The following GNAQ variants were observed in gnomAD, a reference collection of about 807,000 sequenced individuals.
GNAQ encodes G protein subunit alpha q.
In GNAQ, 8 loss-of-function variants were observed where a neutral mutation model predicts 43.9. The observed-to-expected ratio is 0.18, with a 90% CI of 0.11 to 0.33. GNAQ has a LOEUF of 0.33. GNAQ is among the 10% of genes least tolerant of loss of function. The pLI is 1.00. For missense variants in GNAQ, 158 were observed against 450.8 expected (o/e 0.35, Z 5.88); for synonymous variants, 155 against 170.7 (o/e 0.91, Z 0.71).
intron 1 of GNAQ, among the ~76,000 whole-genome samples, chr9:77,954,970 T>C (rs1014309468): frequency 1.3e-5 from 2 of 152,180 alleles, no homozygotes; most frequent in Non-Finnish European, 2.9e-5. Flanking sequence ...CACCGCATGA[T>C]TTCTGTTAAA....
At chr9:77,837,602 T>C (rs1827411209) in intron 2 of GNAQ, among the ~76,000 whole-genome samples, 2 of 151,742 alleles carry the variant, frequency 1.3e-5, no homozygotes, top group African/African-American at 4.8e-5. Context: ...ATATGATTGA[T>C]TTTTTAAAAA....
rs139244699 is a variant in GNAQ at position 77,753,323 on chromosome 9, A to C, written c.736-24656T>G. Among the ~76,000 whole-genome samples the C allele has an allele frequency of 6.1e-3, 933 of 152,212 alleles. 9 individuals are homozygous for C. The highest frequency in any genetic ancestry group is 0.021 in the African/African-American group (856 of 41,532). ...CACACCCCCACCCACCCCCTGAAGA[A>C]AAAGGTTCAGGGTAAGATATGAAAT... is the stretch of plus-strand genomic sequence containing the variant. On this transcript the variant is annotated intron_variant, in intron 5 of 6. Coordinates refer to ENST00000286548, the MANE Select transcript of GNAQ (RefSeq NM_002072.5).
chr9:77,861,695 C>T (rs558323451), intron 2 of GNAQ, among the ~76,000 whole-genome samples: 21 of 152,198 alleles, frequency 1.4e-4, no homozygotes, highest in African/African-American at 2.2e-4. Flanking sequence ...TCTCACATCC[C>T]GGTCACACTG....
At chr9:77,800,683 C>T (rs1475397710) in intron 3 of GNAQ, among the ~76,000 whole-genome samples, 2 of 151,892 alleles carry the variant, frequency 1.3e-5, no homozygotes, top group Non-Finnish European at 2.9e-5. Flanking sequence ...GCACATTGTG[C>T]ACATGTACCC....
intron 2 of GNAQ, among the ~76,000 whole-genome samples, chr9:77,846,517 T>A (rs1251652366): frequency 1.3e-5 from 2 of 152,118 alleles, no homozygotes; most frequent in East Asian, 1.9e-4. Context: ...ACGTGGGCAA[T>A]CCTGGTAGGC....
chr9:77,874,104 CAA>C (rs71937328), intron 2 of GNAQ, among the ~76,000 whole-genome samples: 36 of 98,980 alleles, frequency 3.6e-4, no homozygotes, highest in African/African-American at 1.4e-3. Flanking sequence ...AACTCCATCT[CAA>C]AAAAAAAAAA....
chr9:77,914,342 A>G (rs1183207836), intron 2 of GNAQ, among the ~76,000 whole-genome samples: 1 of 152,174 alleles, frequency 6.6e-6, no homozygotes, highest in Non-Finnish European at 1.5e-5. Flanking sequence ...ATTGGCCATG[A>G]AAAGTCCATA....
intron 2 of GNAQ, among the ~76,000 whole-genome samples, chr9:77,908,722 A>C (rs1828752223): frequency 6.6e-6 from 1 of 152,174 alleles, no homozygotes; most frequent in South Asian, 2.1e-4. Context: ...CTTCTCTCCA[A>C]AAGGTAGCCT....
In GNAQ at chr9:77,805,126, C is replaced by G. The variant is rs941046658; in HGVS notation, c.477-7478G>C. ...AGTAACAGTTCTGCAAAACTGGTATCTTGAGGGGAGAGTCAAGGAGAGGTT... is the reference window on the plus strand; with the variant it reads ...AGTAACAGTTCTGCAAAACTGGTATGTTGAGGGGAGAGTCAAGGAGAGGTT... On this transcript the variant is annotated intron_variant, in intron 3 of 6. Coordinates refer to ENST00000286548, the MANE Select transcript of GNAQ (RefSeq NM_002072.5). 2.0e-5 allele frequency among the ~76,000 whole-genome samples: 3 copies of G among 152,166 alleles called. No homozygotes were observed. In the East Asian group the frequency reaches 5.8e-4, roughly 29 times the overall value.
At chr9:77,840,332 G>A (rs907447137) in intron 2 of GNAQ, among the ~76,000 whole-genome samples, 25 of 150,598 alleles carry the variant, frequency 1.7e-4, no homozygotes, top group Non-Finnish European at 3.1e-4. Flanking sequence ...TGGTGCAGAT[G>A]TGTGCATTTG....
intron 2 of GNAQ, among the ~76,000 whole-genome samples, chr9:77,842,257 A>T (rs1328388763): frequency 6.6e-6 from 1 of 152,194 alleles, no homozygotes; most frequent in Non-Finnish European, 1.5e-5. Flanking sequence ...ACTGGCATGG[A>T]AACTACCACT....
rs2118444217 is a variant in GNAQ at position 77,794,565 on chromosome 9, T to C, written c.633A>G (p.Ser211=). ...AGCAGTGTATCCATTTTCTTCTCTCTGACCTTTGGCCCCCTACATCGACCA... is the reference window on the plus strand; with the variant it reads ...AGCAGTGTATCCATTTTCTTCTCTCCGACCTTTGGCCCCCTACATCGACCA... ...FRMVDVGGQR[S]ERRKWIHCFE... The change falls in exon 5 of 7, where the codon TCA becomes TCG. Residue 211 remains serine (S), a synonymous_variant. Coordinates refer to ENST00000286548, the MANE Select transcript of GNAQ (RefSeq NM_002072.5). 1 of 1,608,034 alleles carries C rather than the reference T, an allele frequency of 6.2e-7. No individual in the cohort carries two copies. The highest frequency in any genetic ancestry group is 8.5e-7 in the Non-Finnish European group (1 of 1,175,120).
At chr9:77,867,591 T>C (rs1158033217) in intron 2 of GNAQ, among the ~76,000 whole-genome samples, 1 of 152,126 alleles carries the variant, frequency 6.6e-6, no homozygotes, top group Admixed American at 6.5e-5. Context: ...AGTGTGTGAA[T>C]GAAGTAAAGT....
chr9:77,944,016 G>C (rs1829352231), intron 1 of GNAQ, among the ~76,000 whole-genome samples: 1 of 151,664 alleles, frequency 6.6e-6, no homozygotes, highest in South Asian at 2.1e-4. Flanking sequence ...GCAACTACCA[G>C]AATACTGCTT....
chr9:77,877,409 A>G (rs945137765), intron 2 of GNAQ, among the ~76,000 whole-genome samples: 7 of 152,192 alleles, frequency 4.6e-5, no homozygotes, highest in Middle Eastern at 3.2e-3. Context: ...GTAAAAACTC[A>G]TCAGTTCTTT....
At chr9:77,790,176 T>A (rs1216140263) in intron 5 of GNAQ, among the ~76,000 whole-genome samples, 1 of 152,234 alleles carries the variant, frequency 6.6e-6, no homozygotes, top group Non-Finnish European at 1.5e-5. Flanking sequence ...CTTGATTCAA[T>A]TCAATTAACG....
intron 5 of GNAQ, among the ~76,000 whole-genome samples, chr9:77,763,947 G>C (rs1826094444): frequency 6.6e-6 from 1 of 152,202 alleles, no homozygotes; most frequent in Admixed American, 6.5e-5. Context: ...TGTTTTGTTA[G>C]TTGTTTTGTT....
chr9:77,973,617 G>A (rs949164565), intron 1 of GNAQ, among the ~76,000 whole-genome samples: 1 of 152,148 alleles, frequency 6.6e-6, no homozygotes, highest in African/African-American at 2.4e-5. Context: ...AGGAGTTCAA[G>A]ACCTGCCTGG....
At chr9:77,994,719 GCTTA>G (rs1823547563) in intron 1 of GNAQ, among the ~76,000 whole-genome samples, 1 of 152,132 alleles carries the variant, frequency 6.6e-6, no homozygotes, top group African/African-American at 2.4e-5. Context: ...CTGCCTCTGA[GCTTA>G]CTTTTACTTC....
Sources: gnomAD v4.1 joint callset for allele counts (sites outside exome capture counted in the v4.1 genomes callset) on GRCh38, gnomAD v4.1.1 for gene constraint, MANE v1.5 for transcripts, NCBI Gene and HGNC (gene_info 2026-07-23, HGNC 2026-07-21) for gene names.